Variants in COL23A1 observed in about 807,000 individuals in gnomAD.
The protein encoded by COL23A1 is collagen alpha-1(XXIII) chain.
Under a neutral mutation model 99.3 loss-of-function variants are expected in COL23A1, and 97 were observed. That is an observed-to-expected ratio of 0.98 (90% CI 0.83 to 1.16). The LOEUF (loss-of-function observed/expected upper bound fraction) is 1.16, where lower values mean the gene tolerates loss of function less well. Among genes scored for constraint, COL23A1 ranks in the 50% most tolerant of loss-of-function variants. The pLI is 0.00. For synonymous variants in COL23A1, 320 were observed against 308.2 expected (o/e 1.04, Z -0.40); for missense variants, 762 against 757.4 (o/e 1.01, Z -0.07).
chr5:178,567,436 A>G (rs1321188667), intron 1 of COL23A1, among the ~76,000 whole-genome samples: 1 of 152,198 alleles, frequency 6.6e-6, no homozygotes, highest in East Asian at 1.9e-4. Context: ...GCACTCGTCA[A>G]AGAAACATAA....
At chr5:178,453,156 G>C (rs533557474) in intron 2 of COL23A1, among the ~76,000 whole-genome samples, 4 of 152,146 alleles carry the variant, frequency 2.6e-5, no homozygotes, top group African/African-American at 9.7e-5. Flanking sequence ...ACAAGGTGCA[G>C]AACAGTAAGT....
intron 2 of COL23A1, among the ~76,000 whole-genome samples, chr5:178,315,000 T>G (rs917467895): frequency 1.3e-5 from 2 of 152,110 alleles, no homozygotes; most frequent in African/African-American, 4.8e-5. Context: ...CTCTCAGAGG[T>G]CTGTGAATTA....
chr5:178,384,224 T>C lies in COL23A1; in HGVS notation c.362-77305A>G, dbSNP rs1000733660. ...AGAGCAGCGTGGAGCCAGACGCTGC[T>C]GCGAGCTGAGCTGCGATCGCAAATG... is the stretch of plus-strand genomic sequence containing the variant. On this transcript the variant is annotated intron_variant, in intron 2 of 28. Coordinates refer to ENST00000390654, the MANE Select transcript of COL23A1 (RefSeq NM_173465.4). The surrounding 1 kb of genome is among the most constrained non-coding windows in gnomAD (Gnocchi z 5.5). Among the ~76,000 whole-genome samples the C allele has an allele frequency of 6.6e-6, 1 of 152,208 alleles. No individual in the cohort carries two copies. The highest frequency in any genetic ancestry group is 1.5e-5 in the Non-Finnish European group (1 of 68,028).
At chr5:178,304,505 CAAAAAAAAAA>C (rs35806686) in intron 3 of COL23A1, among the ~76,000 whole-genome samples, 2 of 32,220 alleles carry the variant, frequency 6.2e-5, no homozygotes, top group African/African-American at 8.3e-5. Flanking sequence ...GCGACTGTCT[CAAAAAAAAAA>C]AAAAAAAAAA....
At chr5:178,458,303 G>A (rs72808865) in intron 2 of COL23A1, among the ~76,000 whole-genome samples, 1,733 of 152,202 alleles carry the variant, frequency 0.011, 19 homozygotes, top group Non-Finnish European at 0.016. Flanking sequence ...TGCAGGGGGC[G>A]GGGGTGCAGT....
At chr5:178,584,518 T>C (rs1763826902) in intron 1 of COL23A1, among the ~76,000 whole-genome samples, 1 of 152,148 alleles carries the variant, frequency 6.6e-6, no homozygotes, top group Non-Finnish European at 1.5e-5. Context: ...TCTTTGAAAT[T>C]AAGCTGCACC....
intron 2 of COL23A1, among the ~76,000 whole-genome samples, chr5:178,553,900 G>A (rs752144995): frequency 5.9e-5 from 9 of 152,110 alleles, no homozygotes; most frequent in African/African-American, 1.2e-4. Context: ...TGATGGCGAC[G>A]GACCTAACAA....
chr5:178,398,770 C>T (rs1387852905), intron 2 of COL23A1, among the ~76,000 whole-genome samples: 2 of 152,218 alleles, frequency 1.3e-5, no homozygotes, highest in Admixed American at 1.3e-4. Context: ...ATTAAAAGGC[C>T]TCTTTCAGGG....
intron 2 of COL23A1, among the ~76,000 whole-genome samples, chr5:178,433,417 G>A (rs1766373038): frequency 1.3e-5 from 2 of 152,216 alleles, no homozygotes; most frequent in African/African-American, 4.8e-5. Context: ...TGGAGTTGGG[G>A]TGGGGTCGCC....
intron 1 of COL23A1, among the ~76,000 whole-genome samples, chr5:178,576,786 G>A (rs1353677082): frequency 6.6e-6 from 1 of 151,966 alleles, no homozygotes; most frequent in Non-Finnish European, 1.5e-5. Context: ...CGGCCTCTCG[G>A]TCCTGTCCTC....
chr5:178,498,226 A>ATATATATATATATATATT (rs1758310651), intron 2 of COL23A1, among the ~76,000 whole-genome samples: 2 of 53,442 alleles, frequency 3.7e-5, no homozygotes, highest in African/African-American at 2.4e-4. Context: ...ATATATATAT[A>ATATATATATATATATATT]TATATATATA....
At chr5:178,507,380 G>T (rs924619577) in intron 2 of COL23A1, among the ~76,000 whole-genome samples, 1 of 152,174 alleles carries the variant, frequency 6.6e-6, no homozygotes, top group African/African-American at 2.4e-5. Flanking sequence ...CTGTTCACGT[G>T]TAAGTTCATG....
chr5:178,507,781 G>C (rs1445915322), intron 2 of COL23A1, among the ~76,000 whole-genome samples: 1 of 152,236 alleles, frequency 6.6e-6, no homozygotes, highest in Non-Finnish European at 1.5e-5. Context: ...ATTTCGGAAA[G>C]TGGATTTGTG....
chr5:178,571,333 G>A (rs1002379635), intron 1 of COL23A1, among the ~76,000 whole-genome samples: 7 of 152,124 alleles, frequency 4.6e-5, no homozygotes, highest in Non-Finnish European at 7.3e-5. Flanking sequence ...CTGCACTCCA[G>A]CCTGGGTGAC....
intron 2 of COL23A1, among the ~76,000 whole-genome samples, chr5:178,545,680 C>T (rs186150941): frequency 7.2e-5 from 11 of 152,166 alleles, no homozygotes; most frequent in African/African-American, 1.7e-4. Context: ...CCAAGTGAAC[C>T]GAGGGTCTAA....
At chr5:178,407,291 A>G (rs1274975744) in intron 2 of COL23A1, among the ~76,000 whole-genome samples, 1 of 152,148 alleles carries the variant, frequency 6.6e-6, no homozygotes, top group Non-Finnish European at 1.5e-5. Context: ...TTGGACTTTC[A>G]CCCTCCACCT....
chr5:178,367,896 T>A (rs2910114), intron 2 of COL23A1, among the ~76,000 whole-genome samples: 2 of 151,994 alleles, frequency 1.3e-5, no homozygotes, highest in Admixed American at 6.5e-5. Context: ...TGGAGCAGGA[T>A]GAGACCAGCT....
At chr5:178,292,438 C>A (rs1265086556) in intron 3 of COL23A1, among the ~76,000 whole-genome samples, 1 of 152,204 alleles carries the variant, frequency 6.6e-6, no homozygotes, top group Non-Finnish European at 1.5e-5. Flanking sequence ...CAAAGCCATC[C>A]CTTGATCACA....
chr5:178,460,869 C>T (rs2546632), intron 2 of COL23A1, among the ~76,000 whole-genome samples: 2 of 152,034 alleles, frequency 1.3e-5, no homozygotes, highest in Non-Finnish European at 2.9e-5. Context: ...TCAGTCAGTG[C>T]GGGAGGGAAG....
Sources: gnomAD v4.1 joint callset for allele counts (sites outside exome capture counted in the v4.1 genomes callset) on GRCh38, gnomAD v4.1.1 for gene constraint, Gnocchi (gnomAD v3.1) non-coding constraint, MANE v1.5 for transcripts, NCBI Gene and HGNC (gene_info 2026-07-23, HGNC 2026-07-21) for gene names.